PPP2R2B: variants seen among roughly 807,000 people sequenced by gnomAD.
The protein encoded by PPP2R2B is serine/threonine-protein phosphatase 2A 55 kDa regulatory subunit B beta isoform.
In PPP2R2B, 5 loss-of-function variants were observed where a neutral mutation model predicts 46.0. That is an observed-to-expected ratio of 0.11 (90% CI 0.06 to 0.23). PPP2R2B has a LOEUF of 0.23. PPP2R2B is among the 10% of genes least tolerant of loss of function. PPP2R2B has a pLI of 1.00. For synonymous variants in PPP2R2B, 215 were observed against 206.7 expected (o/e 1.04, Z -0.34); for missense variants, 367 against 575.0 (o/e 0.64, Z 3.70).
At position 146,701,057 on chromosome 5, in the gene PPP2R2B, T is replaced by A; in HGVS notation, c.156A>T (p.Gln52His). The A allele has an allele frequency of 2.5e-6, 4 of 1,612,500 alleles. No individual in the cohort carries two copies. The highest frequency in any genetic ancestry group is 3.4e-6 in the Non-Finnish European group (4 of 1,178,512). ...GDKGGRVVIF[Q>H]REQESKNQVH... is the part of the protein sequence containing the mutation. ...CACCACCACTTACCTCCTGCTCTCG[T>A]TGAAATATTACAACCCGACCCCCCT... The change falls in exon 3 of 10, where the codon CAA becomes CAT. Residue 52 changes from glutamine (Q) to histidine (H), a missense_variant. Coordinates refer to ENST00000394411, the MANE Select transcript of PPP2R2B (RefSeq NM_181675.4).
upstream of PPP2R2B, chr5:146,879,264 G>T (rs1417696497): frequency 6.6e-6 from 1 of 152,080 alleles, no homozygotes; most frequent in South Asian, 2.1e-4. Flanking sequence ...AATAGGAGGG[G>T]GATCAGGGGC....
intron 2 of PPP2R2B, among the ~76,000 whole-genome samples, chr5:146,760,733 G>T (rs1754109315): frequency 1.3e-5 from 2 of 152,014 alleles, no homozygotes; most frequent in Non-Finnish European, 2.9e-5. Flanking sequence ...GAGGGGAGGG[G>T]TGCTTTTTCA....
In PPP2R2B at chr5:146,613,812, C is replaced by G. The variant is rs992984918; in HGVS notation, c.791-13352G>C. Among the ~76,000 whole-genome samples the G allele has an allele frequency of 8.4e-5, 12 of 143,282 alleles. 1 individual carries two copies. Among genetic ancestry groups the G allele is most frequent in the African/African-American group, 2.0e-4 (7 of 35,372 alleles). 94.0% of individuals were successfully genotyped at this position (143,282 alleles called of 152,430 possible). On this transcript the variant is annotated intron_variant, in intron 7 of 9. Coordinates refer to ENST00000394411, the MANE Select transcript of PPP2R2B (RefSeq NM_181675.4). ...TTACAAGGGATAGGAAGGACCTCTT[C>G]AAGGAGAACTACAAACCACTGCTCA...
At chr5:147,026,644 C>T (rs916976235) in intron 1 of PPP2R2B, among the ~76,000 whole-genome samples, 4 of 152,158 alleles carry the variant, frequency 2.6e-5, no homozygotes, top group African/African-American at 9.6e-5. Context: ...AAATAGATAA[C>T]TATTTAAATA....
chr5:147,014,671 G>A (rs1289993789), intron 1 of PPP2R2B, among the ~76,000 whole-genome samples: 1 of 150,482 alleles, frequency 6.6e-6, no homozygotes, highest in Non-Finnish European at 1.5e-5. Context: ...TCACTCATAG[G>A]TGGGAATTGA....
chr5:146,775,312 C>T (rs1032482716), intron 2 of PPP2R2B, among the ~76,000 whole-genome samples: 1 of 152,076 alleles, frequency 6.6e-6, no homozygotes, highest in Non-Finnish European at 1.5e-5. Flanking sequence ...TGAAATTTAT[C>T]CCAGGATTGC....
chr5:146,620,135 G>A (rs1410526194), intron 7 of PPP2R2B, among the ~76,000 whole-genome samples: 2 of 152,144 alleles, frequency 1.3e-5, no homozygotes, highest in African/African-American at 4.8e-5. Context: ...GCCCAGCATT[G>A]GAAGGCTCAT....
At chr5:146,602,217 T>A (rs939507363) in intron 7 of PPP2R2B, among the ~76,000 whole-genome samples, 1 of 152,192 alleles carries the variant, frequency 6.6e-6, no homozygotes, top group African/African-American at 2.4e-5. Context: ...TTCACATTAT[T>A]ATTATTATTT....
chr5:146,756,186 T>C (rs1255028197), intron 2 of PPP2R2B, among the ~76,000 whole-genome samples: 1 of 152,128 alleles, frequency 6.6e-6, no homozygotes. Context: ...TAAGCCGCTG[T>C]TCCATAGAGC....
At chr5:146,817,529 A>T (rs549502729) in intron 2 of PPP2R2B, among the ~76,000 whole-genome samples, 4 of 152,204 alleles carry the variant, frequency 2.6e-5, no homozygotes, top group South Asian at 2.1e-4. Flanking sequence ...CATCTCACAC[A>T]ATTTTTTTTT....
At chr5:146,917,149 T>C (rs1763418389) in intron 1 of PPP2R2B, among the ~76,000 whole-genome samples, 1 of 152,194 alleles carries the variant, frequency 6.6e-6, no homozygotes. Context: ...TTTGAGTCTA[T>C]TTGCTGATTT....
At chr5:146,947,310 A>G (rs1282753822) in intron 1 of PPP2R2B, among the ~76,000 whole-genome samples, 3 of 152,124 alleles carry the variant, frequency 2.0e-5, no homozygotes. Flanking sequence ...CTTTGCGCCT[A>G]CTTCATAATT....
chr5:146,905,798 G>A (rs1762977788), intron 1 of PPP2R2B, among the ~76,000 whole-genome samples: 1 of 152,162 alleles, frequency 6.6e-6, no homozygotes, highest in South Asian at 2.1e-4. Context: ...CAAAACTATA[G>A]AGTCAAATGG....
At chr5:146,723,027 GA>G (rs1751624316) in intron 2 of PPP2R2B, among the ~76,000 whole-genome samples, 1 of 152,108 alleles carries the variant, frequency 6.6e-6, no homozygotes, top group Non-Finnish European at 1.5e-5. Context: ...CTTCCTCCAG[GA>G]AGTCTTCCTT....
In PPP2R2B at chr5:146,808,994, T is replaced by TGTGTGC. The variant is rs1442659063; in HGVS notation, c.70+69007_70+69008insGCACAC. Reference sequence around the variant, plus strand: ...GTGTGTGTGTGTGTGTGTGTGTGTGTGCGCGCGCACCCACTTCTCCAGTGA... The same window carrying TGTGTGC: ...GTGTGTGTGTGTGTGTGTGTGTGTGTGTGTGCGCGCGCGCACCCACTTCTCCAGTGA... On this transcript the variant is annotated intron_variant, in intron 2 of 9. Coordinates refer to ENST00000394411, the MANE Select transcript of PPP2R2B (RefSeq NM_181675.4). Among the ~76,000 whole-genome samples the TGTGTGC allele has an allele frequency of 9.3e-3, 1,250 of 134,468 alleles. 40 individuals carry two copies. The highest frequency in any genetic ancestry group is 0.034 in the East Asian group (166 of 4,840). The allele number at this position is 134,468 out of a possible 152,430, so 88.2% of individuals were successfully genotyped here.
chr5:147,015,918 G>A (rs1313252393), intron 1 of PPP2R2B, among the ~76,000 whole-genome samples: 4 of 151,100 alleles, frequency 2.6e-5, no homozygotes, highest in Non-Finnish European at 2.9e-5. Context: ...CTTGAAATAC[G>A]AGTATATTAT....
chr5:147,053,063 T>G (rs1165356771), intron 1 of PPP2R2B, among the ~76,000 whole-genome samples: 1 of 151,936 alleles, frequency 6.6e-6, no homozygotes. Flanking sequence ...TATGTCATTT[T>G]GAATGTATTT....
chr5:146,996,054 G>C (rs1753910953), intron 1 of PPP2R2B, among the ~76,000 whole-genome samples: 1 of 152,152 alleles, frequency 6.6e-6, no homozygotes. Flanking sequence ...TGGAATCCTG[G>C]AATAAGGATA....
intron 2 of PPP2R2B, among the ~76,000 whole-genome samples, chr5:146,727,235 T>G (rs765756442): frequency 4.0e-5 from 6 of 150,878 alleles, no homozygotes; most frequent in Non-Finnish European, 8.9e-5. Flanking sequence ...ATGTTAAACA[T>G]TTATTTAAAA....
Sources: allele counts gnomAD v4.1 joint callset (sites outside exome capture counted in the v4.1 genomes callset), GRCh38; gene constraint gnomAD v4.1.1; transcripts MANE v1.5; gene names NCBI Gene and HGNC (gene_info 2026-07-23, HGNC 2026-07-21).